ROBO1: variants seen among roughly 807,000 people sequenced by gnomAD.
ROBO1 encodes roundabout guidance receptor 1.
In ROBO1, 149 loss-of-function variants were observed where a neutral mutation model predicts 195.9. The ratio of observed to expected loss-of-function variants is 0.76; its 90% CI spans 0.67 to 0.87. ROBO1 has a LOEUF of 0.87. Ranked by LOEUF, ROBO1 falls within the 40% of genes least tolerant of loss-of-function variation. The probability of loss-of-function intolerance (pLI) is 0.00; values close to 1 mark genes in which losing one functional copy is unlikely to be tolerated. For missense variants in ROBO1, 1,933 were observed against 2,068.3 expected, an observed-to-expected ratio of 0.93 and a Z score of 1.27; for synonymous variants, 816 against 733.2, an observed-to-expected ratio of 1.11 and a Z score of -1.82.
intron 2 of ROBO1, among the ~76,000 whole-genome samples, chr3:79,547,952 GGAGTA>G (rs201002629): frequency 0.017 from 2,568 of 152,008 alleles, 46 homozygotes; most frequent in Middle Eastern, 0.072. Context: ...TTTTTTTGAT[GGAGTA>G]AAGACATCTA....
chr3:79,745,169 A>G (rs2107446923), intron 1 of ROBO1, among the ~76,000 whole-genome samples: 1 of 152,276 alleles, frequency 6.6e-6, no homozygotes, highest in Non-Finnish European at 1.5e-5. Context: ...AGAAGTTCTT[A>G]TCACCACATT....
chr3:79,755,107 T>C (rs1321014774), intron 1 of ROBO1, among the ~76,000 whole-genome samples: 1 of 152,144 alleles, frequency 6.6e-6, no homozygotes, highest in Non-Finnish European at 1.5e-5. Context: ...CTTGAGCTCA[T>C]GATCTCAGGT....
intron 2 of ROBO1, among the ~76,000 whole-genome samples, chr3:79,520,173 AGAG>A (rs1244673464): frequency 1.4e-5 from 2 of 144,150 alleles, no homozygotes; most frequent in African/African-American, 2.8e-5. Flanking sequence ...AAAAAAAAAA[AGAG>A]AGAGAGAGAG....
At chr3:79,674,827 CGT>C (rs151094387) in intron 1 of ROBO1, among the ~76,000 whole-genome samples, 3,963 of 61,644 alleles carry the variant, frequency 0.064, 60 homozygotes, top group African/African-American at 0.098. Context: ...TATTTATATC[CGT>C]GTGTGTGTGT....
chr3:79,276,575 G>A (rs1319631600), intron 2 of ROBO1, among the ~76,000 whole-genome samples: 3 of 151,850 alleles, frequency 2.0e-5, no homozygotes, highest in Non-Finnish European at 1.5e-5. Flanking sequence ...AAACTTCTTA[G>A]TAATACCCCA....
chr3:79,143,256 A>G (rs955714835), intron 2 of ROBO1, among the ~76,000 whole-genome samples: 1 of 152,112 alleles, frequency 6.6e-6, no homozygotes, highest in Non-Finnish European at 1.5e-5. Context: ...AACACCTGGT[A>G]ACCAAATTTG....
chr3:78,709,026 G>T (rs1267856249), intron 8 of ROBO1, among the ~76,000 whole-genome samples: 1 of 152,134 alleles, frequency 6.6e-6, no homozygotes, highest in African/African-American at 2.4e-5. Context: ...TGAAAGAAAG[G>T]TATGTAGATA....
At chr3:78,761,795 T>C (rs924142505) in intron 4 of ROBO1, among the ~76,000 whole-genome samples, 5 of 152,158 alleles carry the variant, frequency 3.3e-5, no homozygotes, top group Non-Finnish European at 7.4e-5. Context: ...CAATTACCGA[T>C]CATTCATTTT....
intron 14 of ROBO1, 114 bp from the exon 15 acceptor site, chr3:78,662,228 G>C: frequency 1.2e-6 from 1 of 848,180 alleles, no homozygotes; most frequent in Non-Finnish European, 1.7e-6. Flanking sequence ...AAGAGTCCAA[G>C]CCAGGCTGTG....
intron 8 of ROBO1, chr3:78,693,365 A>C: frequency 6.5e-7 from 1 of 1,540,346 alleles, no homozygotes; most frequent in Non-Finnish European, 8.8e-7. Flanking sequence ...AACTAAAACA[A>C]AACAAAAAAA....
chr3:79,548,026 C>T (rs1235418008), intron 2 of ROBO1, among the ~76,000 whole-genome samples: 1 of 152,134 alleles, frequency 6.6e-6, no homozygotes, highest in Non-Finnish European at 1.5e-5. Context: ...AAGTTTCCCC[C>T]ATGTCAGGTG....
intron 4 of ROBO1, among the ~76,000 whole-genome samples, chr3:78,917,288 G>C (rs2038666430): frequency 6.6e-6 from 1 of 151,166 alleles, no homozygotes; most frequent in African/African-American, 2.4e-5. Flanking sequence ...GTAGAGATGG[G>C]GTTTCACCAT....
chr3:79,247,606 C>A (rs1188155923), intron 2 of ROBO1, among the ~76,000 whole-genome samples: 1 of 151,874 alleles, frequency 6.6e-6, no homozygotes, highest in Admixed American at 6.6e-5. Context: ...TTGAGCTTTG[C>A]TGACAACAGA....
At chr3:78,920,973 C>T (rs746411016) in intron 4 of ROBO1, among the ~76,000 whole-genome samples, 16 of 152,044 alleles carry the variant, frequency 1.1e-4, no homozygotes, top group Admixed American at 2.0e-4. Flanking sequence ...TGAGCCACTG[C>T]GTGTGACATG....
intron 1 of ROBO1, among the ~76,000 whole-genome samples, chr3:79,695,950 C>A (rs1576244231): frequency 6.6e-6 from 1 of 150,964 alleles, no homozygotes; most frequent in Non-Finnish European, 1.5e-5. Flanking sequence ...TTTTTCCCCC[C>A]AATCAAAACA....
intron 2 of ROBO1, among the ~76,000 whole-genome samples, chr3:79,379,892 G>A (rs1481918293): frequency 6.6e-6 from 1 of 152,150 alleles, no homozygotes; most frequent in Non-Finnish European, 1.5e-5. Flanking sequence ...TTTGGTTTTA[G>A]CAAGCACTCA....
chr3:79,496,595 G>T (rs1939760110), intron 2 of ROBO1, among the ~76,000 whole-genome samples: 1 of 148,056 alleles, frequency 6.8e-6, no homozygotes. Context: ...CACCTTGTTA[G>T]CCAGGATGGT....
chr3:79,186,790 G>A (rs2081447524), intron 2 of ROBO1, among the ~76,000 whole-genome samples: 1 of 151,988 alleles, frequency 6.6e-6, no homozygotes, highest in South Asian at 2.1e-4. Flanking sequence ...TTTCTGGATG[G>A]CAACAGTGGG....
chr3:79,471,036 T>C (rs192074075), intron 2 of ROBO1, among the ~76,000 whole-genome samples: 1 of 152,212 alleles, frequency 6.6e-6, no homozygotes, highest in Admixed American at 6.6e-5. Flanking sequence ...ACAAATGTGA[T>C]AAGAACACAC....
Sources: allele counts gnomAD v4.1 joint callset (sites outside exome capture counted in the v4.1 genomes callset), GRCh38; gene constraint gnomAD v4.1.1; transcripts MANE v1.5; gene names NCBI Gene and HGNC (gene_info 2026-07-23, HGNC 2026-07-21).